VPS13B: variants seen among roughly 807,000 people sequenced by gnomAD.
VPS13B encodes intermembrane lipid transfer protein VPS13B.
A neutral mutation model predicts 426.4 loss-of-function variants in VPS13B; 285 were observed. The observed-to-expected ratio is 0.67, with a 90% CI of 0.61 to 0.74. The LOEUF (loss-of-function observed/expected upper bound fraction) is 0.74, where lower values mean the gene tolerates loss of function less well. Among genes scored for constraint, VPS13B ranks in the 30% least tolerant of loss-of-function variants. The pLI is 0.00. For synonymous variants in VPS13B, 1,676 were observed against 1,676.4 expected (o/e 1.00, Z 0.01); for missense variants, 4,537 against 4,782.6 (o/e 0.95, Z 1.51).
chr8:99,365,458 T>C (rs1243210864), intron 19 of VPS13B, among the ~76,000 whole-genome samples: 2 of 151,570 alleles, frequency 1.3e-5, no homozygotes, highest in Non-Finnish European at 2.9e-5. Context: ...TGTTTTGGTA[T>C]GCTGTTTCCA....
intron 8 of VPS13B, among the ~76,000 whole-genome samples, chr8:99,133,721 T>C (rs1045763078): frequency 6.6e-6 from 1 of 151,826 alleles, no homozygotes; most frequent in Non-Finnish European, 1.5e-5. Context: ...GAGAGGGGAG[T>C]GGCTAGACAG....
At chr8:99,359,313 G>A (rs1054702742) in intron 19 of VPS13B, among the ~76,000 whole-genome samples, 1 of 151,994 alleles carries the variant, frequency 6.6e-6, no homozygotes, top group Non-Finnish European at 1.5e-5. Flanking sequence ...ACTTTGAACA[G>A]TTGGTTCCTT....
At chr8:99,308,656 T>C (rs1165264517) in intron 19 of VPS13B, among the ~76,000 whole-genome samples, 1 of 152,158 alleles carries the variant, frequency 6.6e-6, no homozygotes, top group Non-Finnish European at 1.5e-5. Flanking sequence ...GCATGTGTCT[T>C]TATAGCAGCA....
At chr8:99,337,301 G>T (rs1810958436) in intron 19 of VPS13B, among the ~76,000 whole-genome samples, 1 of 148,290 alleles carries the variant, frequency 6.7e-6, no homozygotes, top group South Asian at 2.1e-4. Flanking sequence ...CTCATAGGTG[G>T]GAATTGAACA....
intron 53 of VPS13B, 49 bp downstream of exon 53, chr8:99,835,373 C>A: frequency 6.3e-7 from 1 of 1,585,878 alleles, no homozygotes; most frequent in Non-Finnish European, 8.6e-7. Context: ...TGTATTTTTT[C>A]TGGGATTTTT....
At chr8:99,198,083 G>A (rs535445696) in intron 17 of VPS13B, among the ~76,000 whole-genome samples, 10 of 151,958 alleles carry the variant, frequency 6.6e-5, no homozygotes, top group Non-Finnish European at 1.5e-4. Flanking sequence ...TTCAAAAAAC[G>A]TTTTAATTTG....
intron 3 of VPS13B, among the ~76,000 whole-genome samples, chr8:99,059,806 C>T (rs984959492): frequency 1.4e-5 from 2 of 141,602 alleles, no homozygotes; most frequent in Non-Finnish European, 3.0e-5. Flanking sequence ...GATCTTGGCT[C>T]ACCACAACCT....
intron 19 of VPS13B, among the ~76,000 whole-genome samples, chr8:99,316,733 T>C (rs1381018869): frequency 6.6e-6 from 1 of 152,170 alleles, no homozygotes; most frequent in Non-Finnish European, 1.5e-5. Context: ...TCTTAGAGGA[T>C]CTATTTGAAG....
chr8:99,636,023 T>C (rs1454425785), intron 33 of VPS13B, among the ~76,000 whole-genome samples: 1 of 151,980 alleles, frequency 6.6e-6, no homozygotes, highest in African/African-American at 2.4e-5. Context: ...ATCTGTACCG[T>C]ATACAGCTGT....
intron 19 of VPS13B, among the ~76,000 whole-genome samples, chr8:99,357,216 A>G (rs1385663802): frequency 2.0e-5 from 3 of 152,138 alleles, no homozygotes; most frequent in Admixed American, 6.5e-5. Flanking sequence ...TCAGACCTCT[A>G]TCTCCAGAAA....
chr8:99,446,629 A>C (rs1225072079), intron 23 of VPS13B, among the ~76,000 whole-genome samples: 1 of 151,822 alleles, frequency 6.6e-6, no homozygotes, highest in East Asian at 1.9e-4. Context: ...TAATTTCTTT[A>C]ATCTAGTTCA....
chr8:99,064,016 A>C (rs1284181448), intron 3 of VPS13B, among the ~76,000 whole-genome samples: 2 of 152,188 alleles, frequency 1.3e-5, no homozygotes, highest in African/African-American at 4.8e-5. Context: ...AGACTGTTAG[A>C]AGGAAAAAGA....
intron 19 of VPS13B, among the ~76,000 whole-genome samples, chr8:99,365,498 T>TTTC (rs200492647): frequency 0.015 from 1,875 of 125,644 alleles, 385 homozygotes; most frequent in Middle Eastern, 0.068. Flanking sequence ...ATTTTCCAAT[T>TTTC]TTCTTCTTCT....
At chr8:99,648,855 G>A (rs1373341545) in intron 34 of VPS13B, among the ~76,000 whole-genome samples, 1 of 151,558 alleles carries the variant, frequency 6.6e-6, no homozygotes, top group Admixed American at 6.6e-5. Context: ...TTTCCCTCTG[G>A]TAGATTTTTC....
intron 17 of VPS13B, among the ~76,000 whole-genome samples, chr8:99,219,689 C>T (rs1210323270): frequency 6.6e-6 from 1 of 152,172 alleles, no homozygotes; most frequent in Non-Finnish European, 1.5e-5. Flanking sequence ...GATAACAAGC[C>T]TACTCTCGCT....
intron 19 of VPS13B, among the ~76,000 whole-genome samples, chr8:99,335,919 T>C (rs1489941178): frequency 3.3e-5 from 5 of 152,122 alleles, no homozygotes; most frequent in African/African-American, 4.8e-5. Context: ...GAATCAATAT[T>C]GTGAAAATGG....
intron 33 of VPS13B, among the ~76,000 whole-genome samples, chr8:99,582,735 A>G (rs1826126524): frequency 6.6e-6 from 1 of 151,932 alleles, no homozygotes; most frequent in Non-Finnish European, 1.5e-5. Context: ...GGCTCACTGC[A>G]AGCTCCGCCT....
At chr8:99,297,317 G>T (rs1302385535) in intron 19 of VPS13B, among the ~76,000 whole-genome samples, 1 of 152,096 alleles carries the variant, frequency 6.6e-6, no homozygotes, top group African/African-American at 2.4e-5. Context: ...CTAGCTGTTA[G>T]AACTTTGTTC....
chr8:99,032,335 C>T (rs896376989), intron 2 of VPS13B, among the ~76,000 whole-genome samples: 3 of 152,098 alleles, frequency 2.0e-5, no homozygotes, highest in African/African-American at 4.8e-5. Context: ...AGTTTTTAAT[C>T]TGTTCACTTC....
Sources: gnomAD v4.1 joint callset for allele counts (sites outside exome capture counted in the v4.1 genomes callset) on GRCh38, gnomAD v4.1.1 for gene constraint, MANE v1.5 for transcripts, NCBI Gene and HGNC (gene_info 2026-07-23, HGNC 2026-07-21) for gene names.